LEF1: variants seen among roughly 807,000 people sequenced by gnomAD.
LEF1 encodes the protein lymphoid enhancer-binding factor 1.
A neutral mutation model predicts 51.2 loss-of-function variants in LEF1; 14 were observed. The observed-to-expected ratio is 0.27, with a 90% CI of 0.18 to 0.43. The LOEUF (loss-of-function observed/expected upper bound fraction) is 0.43, where lower values mean the gene tolerates loss of function less well. Among genes scored for constraint, LEF1 ranks in the 20% least tolerant of loss-of-function variants. LEF1 has a pLI of 1.00. For synonymous variants in LEF1, 185 were observed against 183.2 expected, an observed-to-expected ratio of 1.01 and a Z score of -0.08; for missense variants, 386 against 512.0, an observed-to-expected ratio of 0.75 and a Z score of 2.37.
At chr4:108,141,855 T>C (rs1363112804) in intron 3 of LEF1, among the ~76,000 whole-genome samples, 1 of 152,088 alleles carries the variant, frequency 6.6e-6, no homozygotes, top group Non-Finnish European at 1.5e-5. Context: ...AACTCTGTAA[T>C]TGGAACATGC....
chr4:108,113,259 G>A (rs1250783800), intron 3 of LEF1, among the ~76,000 whole-genome samples: 2 of 152,138 alleles, frequency 1.3e-5, no homozygotes, highest in Admixed American at 6.5e-5. Context: ...TTTTGAGAAC[G>A]GCAGAAAAAA....
intron 7 of LEF1, 114 bp downstream of exon 7, chr4:108,079,378 C>A (rs1246835412): frequency 4.3e-6 from 5 of 1,163,108 alleles, no homozygotes; most frequent in Non-Finnish European, 6.3e-6. Flanking sequence ...GGCAGAGGTG[C>A]ATTGAGTTTC....
intron 4 of LEF1, among the ~76,000 whole-genome samples, chr4:108,088,390 A>G (rs1008513060): frequency 9.2e-5 from 14 of 152,222 alleles, no homozygotes; most frequent in Admixed American, 4.6e-4. Context: ...GCATGCAAAG[A>G]GGAACGAGCC....
intron 11 of LEF1, among the ~76,000 whole-genome samples, chr4:108,061,080 T>C (rs1448642880): frequency 3.9e-5 from 6 of 152,122 alleles, no homozygotes; most frequent in Admixed American, 6.5e-5. Context: ...CAAACTCGGA[T>C]GGTGTGCAGG....
In LEF1 at chr4:108,083,415, G is replaced by A. The variant is rs1739445539; in HGVS notation, c.579C>T (p.Ile193=). 1.2e-6 allele frequency: 2 copies of A among 1,613,468 alleles called. No individual in the cohort carries two copies. The highest frequency in any genetic ancestry group is 8.5e-7 in the Non-Finnish European group (1 of 1,179,600). The change falls in exon 5 of 12, where the codon ATC becomes ATT. Residue 193 remains isoleucine, a synonymous_variant. Coordinates refer to ENST00000265165, the MANE Select transcript of LEF1 (RefSeq NM_016269.5). ...CCGGAGACAAGGGATAAAAAGTAGG[G>A]ATATCAGGAGCTGGAGGATGTCTGG... ...GMSRHPPAPD[I]PTFYPLSPGG...
At chr4:108,096,901 C>G (rs1266482139) in intron 3 of LEF1, among the ~76,000 whole-genome samples, 1 of 152,152 alleles carries the variant, frequency 6.6e-6, no homozygotes, top group African/African-American at 2.4e-5. Flanking sequence ...CATCATCTCA[C>G]CCCAGTTAAA....
At chr4:108,114,647 G>A (rs992102470) in intron 3 of LEF1, among the ~76,000 whole-genome samples, 2 of 152,146 alleles carry the variant, frequency 1.3e-5, no homozygotes, top group South Asian at 2.1e-4. Flanking sequence ...TAAAGATATG[G>A]GACTTAATGT....
rs563979831 is a variant in LEF1, at chr4:108,102,019, C to T, written c.415-12762G>A. On this transcript the variant is annotated intron_variant, in intron 3 of 11. Coordinates refer to ENST00000265165, the MANE Select transcript of LEF1 (RefSeq NM_016269.5). ...AGCTTGCAAGTGAGCCAAGATAGCACACCATTGCACTCCAGCCTGGGCAAC... is the reference window on the plus strand; with the variant it reads ...AGCTTGCAAGTGAGCCAAGATAGCATACCATTGCACTCCAGCCTGGGCAAC... Among the ~76,000 whole-genome samples the T allele has an allele frequency of 1.1e-3, 166 of 149,668 alleles. 1 individual carries two copies. The highest frequency in any genetic ancestry group is 4.0e-3 in the African/African-American group (163 of 40,404).
chr4:108,109,597 G>C (rs893787689), intron 3 of LEF1, among the ~76,000 whole-genome samples: 4 of 152,216 alleles, frequency 2.6e-5, no homozygotes, highest in African/African-American at 9.6e-5. Flanking sequence ...CTGGCACATA[G>C]CAAGTACTAT....
At chr4:108,123,431 G>GT (rs1742299132) in intron 3 of LEF1, among the ~76,000 whole-genome samples, 2 of 85,406 alleles carry the variant, frequency 2.3e-5, no homozygotes, top group African/African-American at 5.6e-5. Context: ...TGCTAGGGTT[G>GT]GTTTTTTTTT....
rs531452111 is a variant in LEF1, at chr4:108,114,780, C to G, written c.415-25523G>C. Reference sequence around the variant, plus strand: ...TCCGTCAGGGGCTATCAGGTTACATCACGTTGAAGTGTATGTGCAATGTCT... The same window carrying G: ...TCCGTCAGGGGCTATCAGGTTACATGACGTTGAAGTGTATGTGCAATGTCT... On this transcript the variant is annotated intron_variant, in intron 3 of 11. Coordinates refer to ENST00000265165, the MANE Select transcript of LEF1 (RefSeq NM_016269.5). Among the ~76,000 whole-genome samples, 4 of 152,336 alleles carry G rather than the reference C, an allele frequency of 2.6e-5. No homozygotes were observed. The South Asian group carries it at 8.3e-4, about 32-fold the overall frequency.
At chr4:108,142,128 A>C (rs1419655831) in intron 3 of LEF1, among the ~76,000 whole-genome samples, 2 of 152,218 alleles carry the variant, frequency 1.3e-5, no homozygotes, top group African/African-American at 4.8e-5. Flanking sequence ...GGACTCTAAC[A>C]TGTATTTGGT....
chr4:108,077,900 C>T (rs114847344), intron 8 of LEF1, among the ~76,000 whole-genome samples: 1 of 152,132 alleles, frequency 6.6e-6, no homozygotes, highest in Non-Finnish European at 1.5e-5. Context: ...ATTAGCCAGG[C>T]ATGGTGGCAC....
intron 3 of LEF1, among the ~76,000 whole-genome samples, chr4:108,095,167 G>A (rs1305549625): frequency 6.6e-6 from 1 of 152,102 alleles, no homozygotes; most frequent in Non-Finnish European, 1.5e-5. Context: ...CGGTCCATGA[G>A]CCCAACTCTG....
At chr4:108,064,121 A>G (rs1737891465) in intron 10 of LEF1, among the ~76,000 whole-genome samples, 3 of 152,230 alleles carry the variant, frequency 2.0e-5, no homozygotes, top group Non-Finnish European at 4.4e-5. Context: ...TCCAGGTGAC[A>G]GGGTTTGGGA....
intron 11 of LEF1, among the ~76,000 whole-genome samples, chr4:108,055,999 G>C (rs1029784707): frequency 8.5e-5 from 13 of 152,152 alleles, no homozygotes; most frequent in African/African-American, 2.9e-4. Context: ...CTGCTGTCCA[G>C]CTCTCCTCTC....
intron 3 of LEF1, among the ~76,000 whole-genome samples, chr4:108,148,597 T>C (rs1017333984): frequency 1.3e-5 from 2 of 152,214 alleles, no homozygotes; most frequent in African/African-American, 4.8e-5. Context: ...TGTAAGCTTC[T>C]AGAGGGTGGT....
In LEF1 at chr4:108,048,615, T is replaced by C. The variant is rs1424394294; in HGVS notation, c.*143A>G. ...CTCTAGCAGTGACCTCAGGGTAAAA[T>C]TGATGTCAGTGTTCCTTTGGGGTCG... is the stretch of plus-strand genomic sequence containing the variant. On this transcript the variant is annotated 3_prime_UTR_variant, in exon 12 of 12. Transcript: ENST00000265165. 1 of 1,157,902 alleles carries C rather than the reference T, an allele frequency of 8.6e-7. No individual in the cohort carries two copies. Among genetic ancestry groups the C allele is most frequent in the Non-Finnish European group, 1.2e-6 (1 of 815,910 alleles). 71.7% of individuals were successfully genotyped at this position (1,157,902 alleles called of 1,614,324 possible). A position where few individuals can be genotyped will look rare whatever the true frequency, so the allele number is the denominator to read the frequency against.
At chr4:108,097,919 G>A (rs1740499303) in intron 3 of LEF1, among the ~76,000 whole-genome samples, 1 of 152,162 alleles carries the variant, frequency 6.6e-6, no homozygotes. Flanking sequence ...TGAGAAGTCA[G>A]GAGCAAAAGC....
Sources: gnomAD v4.1 joint callset for allele counts (sites outside exome capture counted in the v4.1 genomes callset) on GRCh38, gnomAD v4.1.1 for gene constraint, MANE v1.5 for transcripts, NCBI Gene and HGNC (gene_info 2026-07-23, HGNC 2026-07-21) for gene names.